FBXL7: variants seen among roughly 807,000 people sequenced by gnomAD.
FBXL7 encodes the protein F-box and leucine rich repeat protein 7.
A neutral mutation model predicts 38.3 loss-of-function variants in FBXL7; 12 were observed. The observed-to-expected ratio is 0.31, with a 90% confidence interval of 0.20 to 0.51. The LOEUF (loss-of-function observed/expected upper bound fraction) is 0.51. Ranked by LOEUF, FBXL7 falls within the 20% of genes least tolerant of loss-of-function variation. The pLI is 0.98. For missense variants in FBXL7, 567 were observed against 676.4 expected (o/e 0.84, Z 1.79); for synonymous variants, 297 against 300.9 (o/e 0.99, Z 0.13).
chr5:15,632,320 AT>A (rs962251619), intron 2 of FBXL7, among the ~76,000 whole-genome samples: 2 of 152,096 alleles, frequency 1.3e-5, no homozygotes, highest in African/African-American at 4.8e-5. Flanking sequence ...TATTCTTCTT[AT>A]TTTTATAACA....
Position 15,736,699 on chromosome 5 carries a change from A to T in FBXL7, c.127+120627A>T, listed in dbSNP as rs900446726. On this transcript the variant is annotated intron_variant, in intron 2 of 3. Transcript: ENST00000504595. Reference sequence around the variant, plus strand: ...CTACCAGTCAGGGTCTGGTTTCCTCAGCTACCATTCCTTTTGTCTTCCTCC... The same window carrying T: ...CTACCAGTCAGGGTCTGGTTTCCTCTGCTACCATTCCTTTTGTCTTCCTCC... 4.6e-5 allele frequency among the ~76,000 whole-genome samples: 7 copies of T among 152,308 alleles called. No homozygotes were observed. In the East Asian group the frequency reaches 1.4e-3, roughly 29 times the overall value.
intron 2 of FBXL7, among the ~76,000 whole-genome samples, chr5:15,762,382 G>T (rs1736471608): frequency 6.6e-6 from 1 of 152,170 alleles, no homozygotes. Flanking sequence ...ACCCTTGTAG[G>T]GTGGGGGAAT....
chr5:15,523,261 A>T (rs1737150681), intron 1 of FBXL7, among the ~76,000 whole-genome samples: 1 of 152,226 alleles, frequency 6.6e-6, no homozygotes, highest in African/African-American at 2.4e-5. Context: ...AAGGATTTTT[A>T]AAAATTCACA....
At chr5:15,577,484 T>G (rs951514595) in intron 1 of FBXL7, among the ~76,000 whole-genome samples, 1 of 152,172 alleles carries the variant, frequency 6.6e-6, no homozygotes, top group East Asian at 1.9e-4. Flanking sequence ...TCGTTGCAGC[T>G]TCTGGAAGGG....
chr5:15,823,892 A>T (rs1738237412), intron 2 of FBXL7, among the ~76,000 whole-genome samples: 1 of 152,120 alleles, frequency 6.6e-6, no homozygotes, highest in African/African-American at 2.4e-5. Context: ...CCCCTTTCAA[A>T]TACAGTGTCC....
chr5:15,811,680 C>T (rs985775130), intron 2 of FBXL7, among the ~76,000 whole-genome samples: 1 of 151,910 alleles, frequency 6.6e-6, no homozygotes, highest in African/African-American at 2.4e-5. Flanking sequence ...GGGCAAAGGA[C>T]ATGAGCAGAC....
intron 2 of FBXL7, among the ~76,000 whole-genome samples, chr5:15,763,212 T>C (rs1736495170): frequency 6.6e-6 from 1 of 152,214 alleles, no homozygotes; most frequent in Non-Finnish European, 1.5e-5. Context: ...CTGTGGATAC[T>C]ACTCAACTAA....
intron 3 of FBXL7, among the ~76,000 whole-genome samples, chr5:15,933,777 G>A (rs532153516): frequency 5.9e-5 from 9 of 152,232 alleles, no homozygotes; most frequent in South Asian, 2.1e-4. Flanking sequence ...GAAGGTCCTC[G>A]TTAGCACTTT....
intron 1 of FBXL7, among the ~76,000 whole-genome samples, chr5:15,556,009 C>CA (rs1738222671): frequency 1.5e-5 from 1 of 67,718 alleles, no homozygotes. Flanking sequence ...ATCTATCTAT[C>CA]TATCTATCAT....
intron 2 of FBXL7, among the ~76,000 whole-genome samples, chr5:15,791,968 G>A (rs1322147744): frequency 1.3e-5 from 2 of 152,228 alleles, no homozygotes; most frequent in Non-Finnish European, 2.9e-5. Context: ...AGAGTGTCCC[G>A]TGAAAAACAT....
At chr5:15,607,005 T>C (rs1164997536) in intron 1 of FBXL7, 2 of 152,220 alleles carry the variant, frequency 1.3e-5, no homozygotes, top group Non-Finnish European at 2.9e-5. Flanking sequence ...ACCGATGTTA[T>C]ATTATGCTGT....
At chr5:15,741,438 T>C (rs1735890846) in intron 2 of FBXL7, among the ~76,000 whole-genome samples, 1 of 152,202 alleles carries the variant, frequency 6.6e-6, no homozygotes, top group African/African-American at 2.4e-5. Context: ...ACTTAAAAAA[T>C]GAATTTTTTT....
chr5:15,735,560 T>A (rs1735728045), intron 2 of FBXL7, among the ~76,000 whole-genome samples: 1 of 152,200 alleles, frequency 6.6e-6, no homozygotes, highest in South Asian at 2.1e-4. Context: ...TGTTTGAGAT[T>A]TCAGCTGGAA....
chr5:15,621,594 C>T (rs1740643127), intron 2 of FBXL7, among the ~76,000 whole-genome samples: 1 of 152,126 alleles, frequency 6.6e-6, no homozygotes, highest in Non-Finnish European at 1.5e-5. Context: ...GCAAGCTGAG[C>T]CTCAGCTTCT....
intron 2 of FBXL7, among the ~76,000 whole-genome samples, chr5:15,888,838 T>C (rs138461665): frequency 5.9e-4 from 90 of 152,250 alleles, no homozygotes; most frequent in African/African-American, 2.1e-3. Context: ...TTTGGATAAA[T>C]TGAAATTACT....
chr5:15,784,111 T>C (rs1004531590), intron 2 of FBXL7, among the ~76,000 whole-genome samples: 30 of 152,178 alleles, frequency 2.0e-4, no homozygotes, highest in Non-Finnish European at 4.1e-4. Context: ...CTCACAGTAG[T>C]TATTACCATT....
chr5:15,923,386 C>T (rs1281032447), intron 2 of FBXL7, among the ~76,000 whole-genome samples: 2 of 152,148 alleles, frequency 1.3e-5, no homozygotes, highest in African/African-American at 4.8e-5. Context: ...GCTATAGAGA[C>T]ATATTCTGGT....
At chr5:15,753,383 G>A (rs189595746) in intron 2 of FBXL7, among the ~76,000 whole-genome samples, 1 of 152,284 alleles carries the variant, frequency 6.6e-6, no homozygotes, top group African/African-American at 2.4e-5. Flanking sequence ...GTTAGTATTT[G>A]TGACTTAGCA....
At chr5:15,543,592 A>G (rs1275619133) in intron 1 of FBXL7, among the ~76,000 whole-genome samples, 1 of 152,198 alleles carries the variant, frequency 6.6e-6, no homozygotes, top group Admixed American at 6.5e-5. Flanking sequence ...TAAATTATGC[A>G]CTCAAATTTG....
Sources: gnomAD v4.1 joint callset for allele counts (sites outside exome capture counted in the v4.1 genomes callset) on GRCh38, gnomAD v4.1.1 for gene constraint, MANE v1.5 for transcripts, NCBI Gene and HGNC (gene_info 2026-07-23, HGNC 2026-07-21) for gene names.